GRK3: variants seen among roughly 807,000 people sequenced by gnomAD.
GRK3 encodes adrenergic, beta, receptor kinase 2.
Under a neutral mutation model 95.7 loss-of-function variants are expected in GRK3, and 54 were observed. That is an observed-to-expected ratio of 0.56 (90% CI 0.45 to 0.71). The LOEUF (loss-of-function observed/expected upper bound fraction) is 0.71, where lower values mean the gene tolerates loss of function less well. GRK3 is among the 30% of genes least tolerant of loss of function. The pLI is 0.00. For synonymous variants in GRK3, 281 were observed against 290.8 expected, an observed-to-expected ratio of 0.97 and a Z score of 0.34; for missense variants, 649 against 851.2, an observed-to-expected ratio of 0.76 and a Z score of 2.96.
intron 2 of GRK3, among the ~76,000 whole-genome samples, chr22:25,622,553 A>C (rs2084594607): frequency 6.6e-6 from 1 of 152,308 alleles, no homozygotes; most frequent in South Asian, 2.1e-4. Flanking sequence ...GCTCCTGATG[A>C]GAGAAAAGAG....
Position 25,704,159 on chromosome 22 carries a change from G to A in GRK3, c.1278G>A (p.Glu426=). ...CTCCTGAACTGAAGTCCCTTTTGGA[G>A]GGCTTGCTTCAGCGAGACGTTAGCA... ...TFSPELKSLL[E]GLLQRDVSKR... The change falls in exon 15 of 21, where the codon GAG becomes GAA. Residue 426 remains glutamate, a synonymous_variant. Coordinates refer to ENST00000324198, the MANE Select transcript of GRK3 (RefSeq NM_005160.4). 6.2e-7 allele frequency: 1 copy of A among 1,613,808 alleles called. No individual in the cohort carries two copies. The highest frequency in any genetic ancestry group is 1.3e-5 in the African/African-American group (1 of 75,014).
chr22:25,667,939 G>A, intron 6 of GRK3, 139 bp downstream of exon 6: 1 of 580,252 alleles, frequency 1.7e-6, no homozygotes. Context: ...GCCAGGCTTT[G>A]TGTTAAACTG....
chr22:25,702,904 T>G, intron 13 of GRK3: 1 of 456,010 alleles, frequency 2.2e-6, no homozygotes, highest in South Asian at 1.5e-5. Flanking sequence ...AAGTCACAAC[T>G]TGAACCCAGC....
chr22:25,608,654 C>G (rs2084470932), intron 2 of GRK3, among the ~76,000 whole-genome samples: 1 of 152,234 alleles, frequency 6.6e-6, no homozygotes, highest in African/African-American at 2.4e-5. Flanking sequence ...AGCGAGGAAA[C>G]AGCCACCTCC....
At chr22:25,611,989 C>T (rs963935038) in intron 2 of GRK3, among the ~76,000 whole-genome samples, 7 of 151,906 alleles carry the variant, frequency 4.6e-5, no homozygotes, top group African/African-American at 1.7e-4. Flanking sequence ...CACACCACCA[C>T]ACCCAGCTAA....
chr22:25,636,490 A>G (rs1391204715), intron 2 of GRK3, among the ~76,000 whole-genome samples: 2 of 152,252 alleles, frequency 1.3e-5, no homozygotes, highest in Admixed American at 6.5e-5. Context: ...CCTAGAGTAC[A>G]CTGTAAATAG....
At chr22:25,617,413 A>T (rs1319013261) in intron 2 of GRK3, among the ~76,000 whole-genome samples, 1 of 152,222 alleles carries the variant, frequency 6.6e-6, no homozygotes, top group Non-Finnish European at 1.5e-5. Context: ...TATTTTCAGA[A>T]TATACCCGAT....
At chr22:25,718,468 C>T (rs547633098) in intron 19 of GRK3, 87 bp downstream of exon 19, 2 of 1,391,982 alleles carry the variant, frequency 1.4e-6, no homozygotes, top group Admixed American at 3.9e-5. Context: ...GTTTTATACA[C>T]TATCCTCCGA....
chr22:25,695,833 T>G (rs991842190), intron 13 of GRK3, among the ~76,000 whole-genome samples: 12 of 148,394 alleles, frequency 8.1e-5, no homozygotes, highest in African/African-American at 3.0e-4. Flanking sequence ...CACACCCGGC[T>G]AATTTTTTTT....
chr22:25,642,052 GGC>G, intron 2 of GRK3, among the ~76,000 whole-genome samples: 2 of 152,172 alleles, frequency 1.3e-5, no homozygotes, highest in Non-Finnish European at 2.9e-5. Context: ...AAATACATGT[GGC>G]AAAAACTGAC....
Position 25,690,210 on chromosome 22 carries a change from G to A in GRK3, c.979G>A (p.Glu327Lys). 6.2e-7 allele frequency: 1 copy of A among 1,613,960 alleles called. No homozygotes were observed. Among genetic ancestry groups the A allele is most frequent in the South Asian group, 1.1e-5 (1 of 91,040 alleles). Reference sequence around the variant, plus strand: ...TTAGCCAGCAAATATTCTCTTGGATGAACATGGACACGCAAGAATATCAGA... The same window carrying A: ...TTAGCCAGCAAATATTCTCTTGGATAAACATGGACACGCAAGAATATCAGA... ...DLKPANILLD[E>K]HGHARISDLG... is the part of the protein sequence containing the mutation. Residue 327 changes from glutamate (E) to lysine (K), a missense_variant, in exon 12 of 21, where the codon GAA (glutamate) becomes AAA (lysine). By Grantham distance (56) the Glu-to-Lys change is moderately conservative. Around this residue, in one of 3 missense-constraint regions of GRK3, gnomAD observed 382 missense variants for 493.8 expected, o/e 0.77. Coordinates refer to ENST00000324198, the MANE Select transcript of GRK3 (RefSeq NM_005160.4).
intron 10 of GRK3, 53 bp from the exon 11 acceptor site, chr22:25,687,484 T>C (rs1312810327): frequency 1.3e-6 from 2 of 1,593,306 alleles, no homozygotes; most frequent in African/African-American, 1.3e-5. Flanking sequence ...GACAATGATA[T>C]TTGTTTCCTT....
At chr22:25,654,907 C>T (rs943017138) in intron 3 of GRK3, among the ~76,000 whole-genome samples, 4 of 152,104 alleles carry the variant, frequency 2.6e-5, no homozygotes, top group Admixed American at 6.6e-5. Context: ...ATCAGATGAT[C>T]CCCTTGGAGG....
chr22:25,667,673 T>G, intron 5 of GRK3, 66 bp from the exon 6 acceptor site: 2 of 1,151,874 alleles, frequency 1.7e-6, no homozygotes, highest in Non-Finnish European at 2.6e-6. Flanking sequence ...CTGAGTCTCA[T>G]TGGTTTGTGT....
intron 1 of GRK3, among the ~76,000 whole-genome samples, chr22:25,589,427 A>T (rs1012978912): frequency 2.0e-5 from 3 of 152,206 alleles, no homozygotes; most frequent in African/African-American, 7.2e-5. Context: ...TATTTATTAT[A>T]CTTACCATGG....
At chr22:25,675,224 C>T (rs890972229) in intron 8 of GRK3, among the ~76,000 whole-genome samples, 6 of 150,064 alleles carry the variant, frequency 4.0e-5, no homozygotes, top group East Asian at 1.9e-4. Context: ...GACTCACCGA[C>T]GATGAAGTGA....
intron 15 of GRK3, among the ~76,000 whole-genome samples, chr22:25,706,340 G>GTCCT (rs750123681): frequency 7.8e-4 from 119 of 151,946 alleles, no homozygotes; most frequent in Non-Finnish European, 1.6e-3. Flanking sequence ...TCAATGCCCA[G>GTCCT]GCCTGTGTCT....
intron 13 of GRK3, among the ~76,000 whole-genome samples, chr22:25,698,911 T>C (rs1601535305): frequency 6.6e-6 from 1 of 152,110 alleles, no homozygotes; most frequent in South Asian, 2.1e-4. Context: ...TGTGTTTTGT[T>C]TTTGTTTTTT....
intron 1 of GRK3, among the ~76,000 whole-genome samples, chr22:25,599,517 G>A (rs551876063): frequency 4.6e-5 from 7 of 151,462 alleles, no homozygotes; most frequent in Non-Finnish European, 5.9e-5. Flanking sequence ...ATGTGAACCC[G>A]GGAGGCGGAG....
Sources: gnomAD v4.1 joint callset for allele counts (sites outside exome capture counted in the v4.1 genomes callset) on GRCh38, gnomAD v4.1.1 for gene constraint, gnomAD v4.1.1 regional missense constraint, MANE v1.5 for transcripts, NCBI Gene and HGNC (gene_info 2026-07-23, HGNC 2026-07-21) for gene names.